The following ESCO1 variants were observed in gnomAD, a reference collection of about 807,000 sequenced individuals.
ESCO1 encodes N-acetyltransferase ESCO1.
Under a neutral mutation model 83.5 loss-of-function variants are expected in ESCO1, and 33 were observed. The observed-to-expected ratio is 0.40, with a 90% CI of 0.30 to 0.53. The LOEUF (loss-of-function observed/expected upper bound fraction) is 0.53. Among genes scored for constraint, ESCO1 ranks in the 20% least tolerant of loss-of-function variants. The pLI is 0.63. For missense variants in ESCO1, 855 were observed against 968.0 expected (o/e 0.88, Z 1.55); for synonymous variants, 332 against 324.3 (o/e 1.02, Z -0.25).
chr18:21,594,837 T>C (rs552207659), intron 1 of ESCO1, among the ~76,000 whole-genome samples: 1 of 152,098 alleles, frequency 6.6e-6, no homozygotes, highest in Non-Finnish European at 1.5e-5. Flanking sequence ...CAAATTTCCA[T>C]GGGAGCAACT....
At position 21,574,132 on chromosome 18, in the gene ESCO1, T is replaced by C. The variant is rs1465405701; in HGVS notation, c.712A>G (p.Lys238Glu). 1 of 1,613,774 alleles carries C rather than the reference T, an allele frequency of 6.2e-7. No individual in the cohort carries two copies. Among genetic ancestry groups the C allele is most frequent in the Admixed American group, 1.7e-5 (1 of 60,004 alleles). The change falls in exon 4 of 12, where the codon AAA becomes GAA. Residue 238 changes from lysine to glutamate, a missense_variant. Coordinates refer to ENST00000269214, the MANE Select transcript of ESCO1 (RefSeq NM_052911.3). ...PQKTTRRDET[K>E]PVPVTSEVKR... ...ACCTCAGAAGTTACAGGCACAGGTT[T>C]CGTTTCGTCTCTTCTAGTAGTCTTC...
At chr18:21,565,934 AAAAT>A (rs768126472) in intron 6 of ESCO1, among the ~76,000 whole-genome samples, 6 of 152,292 alleles carry the variant, frequency 3.9e-5, no homozygotes, top group East Asian at 3.9e-4. Context: ...TCAACTCTAA[AAAAT>A]AAATAAATAA....
intron 2 of ESCO1, among the ~76,000 whole-genome samples, chr18:21,580,387 C>A (rs986370895): frequency 2.6e-5 from 4 of 152,006 alleles, no homozygotes; most frequent in African/African-American, 9.7e-5. Flanking sequence ...ACACTGGAAG[C>A]AAGATAATGG....
chr18:21,538,639 C>A (rs1236962774), intron 9 of ESCO1, among the ~76,000 whole-genome samples: 1 of 152,044 alleles, frequency 6.6e-6, no homozygotes, highest in Non-Finnish European at 1.5e-5. Flanking sequence ...AAATAACAGG[C>A]GCAAAGTATT....
rs2038393069 is a variant in ESCO1, at chr18:21,574,554, G to A, written c.290C>T (p.Ser97Phe). The A allele has an allele frequency of 6.2e-7, 1 of 1,613,452 alleles. No homozygotes were observed. Among genetic ancestry groups the A allele is most frequent in the Non-Finnish European group, 8.5e-7 (1 of 1,179,900 alleles). ...TTTCTGAGATAATTTCTTTTTTGTA[G>A]ATTCTTGTGAATATCCCCTCACAGT... Reference protein sequence around the residue: ...TVTVRGYSQESTKKKLSQKKL... With the variant: ...TVTVRGYSQEFTKKKLSQKKL... The change falls in exon 4 of 12, where the codon TCT (serine) becomes TTT (phenylalanine). Residue 97 changes from serine to phenylalanine, a missense_variant. This residue lies in a region of ESCO1 where 726 missense variants were observed against 699.5 expected (regional missense o/e 1.04). Transcript: ENST00000269214.
chr18:21,530,515 G>GGA, intron 11 of ESCO1, 25 bp from the exon 12 acceptor site: 1 of 1,200,540 alleles, frequency 8.3e-7, no homozygotes, highest in African/African-American at 1.9e-5. Context: ...TGGGGGGGGG[G>GGA]AAGGGTTAAG....
chr18:21,541,493 T>C (rs891650122), intron 8 of ESCO1, among the ~76,000 whole-genome samples: 4 of 150,456 alleles, frequency 2.7e-5, no homozygotes, highest in African/African-American at 9.8e-5. Flanking sequence ...CTCAGGAGGC[T>C]GAGGCAGGAG....
At chr18:21,571,516 A>T (rs1261137799) in intron 4 of ESCO1, among the ~76,000 whole-genome samples, 2 of 152,266 alleles carry the variant, frequency 1.3e-5, no homozygotes, top group East Asian at 3.9e-4. Context: ...TGTTCCTCCA[A>T]ACAGAGGGGC....
At chr18:21,572,175 C>T (rs930977803) in intron 4 of ESCO1, among the ~76,000 whole-genome samples, 9 of 152,142 alleles carry the variant, frequency 5.9e-5, no homozygotes, top group Non-Finnish European at 1.2e-4. Context: ...AATTAGAACA[C>T]CTGGATTCTA....
At chr18:21,572,077 A>C (rs985667443) in intron 4 of ESCO1, among the ~76,000 whole-genome samples, 25 of 152,190 alleles carry the variant, frequency 1.6e-4, no homozygotes, top group Non-Finnish European at 5.9e-5. Context: ...AAATGACTTG[A>C]CTTTTTTCTC....
intron 8 of ESCO1, among the ~76,000 whole-genome samples, chr18:21,560,637 A>C (rs546094761): frequency 6.6e-6 from 1 of 152,326 alleles, no homozygotes; most frequent in East Asian, 1.9e-4. Flanking sequence ...GTAAAATTTA[A>C]ATTCAAAATC....
chr18:21,588,443 TA>T (rs71371361), intron 1 of ESCO1, among the ~76,000 whole-genome samples: 346 of 141,318 alleles, frequency 2.4e-3, no homozygotes, highest in Middle Eastern at 0.011. Flanking sequence ...TACTTTACTC[TA>T]AAAAAAAAAA....
intron 8 of ESCO1, among the ~76,000 whole-genome samples, chr18:21,553,020 T>C (rs913210345): frequency 1.3e-5 from 2 of 152,202 alleles, no homozygotes; most frequent in African/African-American, 4.8e-5. Flanking sequence ...CCAGGCATGG[T>C]GGCTCCCACC....
intron 8 of ESCO1, among the ~76,000 whole-genome samples, chr18:21,549,863 A>T (rs2038022932): frequency 6.6e-6 from 1 of 151,438 alleles, no homozygotes; most frequent in Non-Finnish European, 1.5e-5. Context: ...GCTACTTGGG[A>T]GGCTGAGGCA....
At chr18:21,585,158 A>C (rs948101200) in intron 1 of ESCO1, among the ~76,000 whole-genome samples, 2 of 142,460 alleles carry the variant, frequency 1.4e-5, no homozygotes, top group African/African-American at 5.2e-5. Flanking sequence ...AAAAAAAAAA[A>C]CTTACACAAC....
At chr18:21,561,930 G>A (rs1297022051) in intron 7 of ESCO1, among the ~76,000 whole-genome samples, 4 of 151,638 alleles carry the variant, frequency 2.6e-5, no homozygotes, top group African/African-American at 9.7e-5. Flanking sequence ...CGAGGCTGGA[G>A]TGCAGTGGCG....
At chr18:21,591,748 T>C (rs1162924582) in intron 1 of ESCO1, among the ~76,000 whole-genome samples, 1 of 151,334 alleles carries the variant, frequency 6.6e-6, no homozygotes, top group Non-Finnish European at 1.5e-5. Flanking sequence ...AGGACAATAG[T>C]GGAGGGAAGG....
At chr18:21,555,137 C>A (rs1282246964) in intron 8 of ESCO1, among the ~76,000 whole-genome samples, 2 of 151,952 alleles carry the variant, frequency 1.3e-5, no homozygotes, top group Non-Finnish European at 2.9e-5. Flanking sequence ...TGTTTAAGTG[C>A]ATATTACTAA....
chr18:21,545,654 C>T (rs190268354), intron 8 of ESCO1, among the ~76,000 whole-genome samples: 1 of 150,384 alleles, frequency 6.6e-6, no homozygotes, highest in East Asian at 2.0e-4. Flanking sequence ...TGAGGCCGGG[C>T]GCAGTGGCTC....
Sources: gnomAD v4.1 joint callset for allele counts (sites outside exome capture counted in the v4.1 genomes callset) on GRCh38, gnomAD v4.1.1 for gene constraint, gnomAD v4.1.1 regional missense constraint, MANE v1.5 for transcripts, NCBI Gene and HGNC (gene_info 2026-07-23, HGNC 2026-07-21) for gene names.